BEAN1: variants seen among roughly 807,000 people sequenced by gnomAD.
BEAN1 encodes brain expressed associated with NEDD4 1, also known as protein BEAN1.
In BEAN1, 17 loss-of-function variants were observed where a neutral mutation model predicts 17.7. The observed-to-expected ratio is 0.96, with a 90% CI of 0.66 to 1.44. The LOEUF (loss-of-function observed/expected upper bound fraction) is 1.44, where lower values mean the gene tolerates loss of function less well. Ranked by LOEUF, BEAN1 falls within the 40% of genes most tolerant of loss-of-function variation. BEAN1 has a pLI of 0.00. For synonymous variants in BEAN1, 142 were observed against 151.8 expected (o/e 0.94, Z 0.47); for missense variants, 359 against 374.1 (o/e 0.96, Z 0.33).
chr16:66,463,091 T>C (rs549678174), intron 2 of BEAN1, among the ~76,000 whole-genome samples: 32 of 152,296 alleles, frequency 2.1e-4, no homozygotes, highest in African/African-American at 7.5e-4. Flanking sequence ...CTACCATGAG[T>C]AATACTCATG....
At chr16:66,432,357 A>G (rs1045524140) in intron 1 of BEAN1, among the ~76,000 whole-genome samples, 3 of 152,228 alleles carry the variant, frequency 2.0e-5, no homozygotes, top group Non-Finnish European at 4.4e-5. Flanking sequence ...TTCCTGGGAC[A>G]GGAGAAAGGT....
rs185675010 is a variant in BEAN1, at chr16:66,480,955, C to A, written c.*30C>A. The A allele has an allele frequency of 1.9e-4, 267 of 1,399,928 alleles. 2 individuals carry two copies. In the Middle Eastern group the frequency reaches 2.4e-3, roughly 12 times the overall value. The allele number at this position is 1,399,928 out of a possible 1,614,324, so 86.7% of individuals were successfully genotyped here. On this transcript the variant is annotated 3_prime_UTR_variant, in exon 5 of 5. Coordinates refer to ENST00000536005, the MANE Select transcript of BEAN1 (RefSeq NM_001178020.3). ...CCCAGCCAGCCGGGTCCTGCTGGTCCCTACAGGCTGAACCACATTCTTTAG... is the reference window on the plus strand; with the variant it reads ...CCCAGCCAGCCGGGTCCTGCTGGTCACTACAGGCTGAACCACATTCTTTAG...
In BEAN1 at chr16:66,481,470, A is replaced by G; in HGVS notation, c.*545A>G. On this transcript the variant is annotated 3_prime_UTR_variant, in exon 5 of 5. Coordinates refer to ENST00000536005, the MANE Select transcript of BEAN1 (RefSeq NM_001178020.3). This position sits in a 1 kb window ranked among gnomAD's most constrained non-coding sequence, Gnocchi z 4.1. ...TGAGGTTCCGTTGTGCGCTGTGCCT[A>G]TCTCTCGATTCCAGGGCAGATGAGC... 2.6e-6 allele frequency: 1 copy of G among 385,584 alleles called. No homozygotes were observed. Among genetic ancestry groups the G allele is most frequent in the Non-Finnish European group, 4.6e-6 (1 of 218,440 alleles). 23.9% of individuals were successfully genotyped at this position (385,584 alleles called of 1,614,324 possible).
intron 3 of BEAN1, among the ~76,000 whole-genome samples, chr16:66,474,717 GAA>G (rs572690131): frequency 8.6e-4 from 129 of 149,926 alleles, no homozygotes; most frequent in African/African-American, 3.1e-3. Flanking sequence ...AAAAAGGAGA[GAA>G]AGAAAAAGGA....
Position 66,471,337 on chromosome 16 carries a change from G to A in BEAN1, c.289+1472G>A, listed in dbSNP as rs944099726. 3.3e-5 allele frequency among the ~76,000 whole-genome samples: 5 copies of A among 152,214 alleles called. No homozygotes were observed. Among genetic ancestry groups the A allele is most frequent in the East Asian group, 3.9e-4 (2 of 5,188 alleles). On this transcript the variant is annotated intron_variant, in intron 3 of 4. Transcript: ENST00000536005. The surrounding 1 kb of genome is among the most constrained non-coding windows in gnomAD (Gnocchi z 4.7). ...CGCTGTCTGTGCACATAATCTCACT[G>A]CAAAATCCTCACCATGGTCCTAGTG...
chr16:66,429,745 G>A (rs901779864), intron 1 of BEAN1, among the ~76,000 whole-genome samples: 3 of 152,118 alleles, frequency 2.0e-5, no homozygotes, highest in African/African-American at 4.8e-5. Flanking sequence ...GGGTCACGTC[G>A]CTGTGTCTTC....
chr16:66,486,080 G>A (rs998985492), downstream of BEAN1: 1 of 152,108 alleles, frequency 6.6e-6, no homozygotes, highest in Non-Finnish European at 1.5e-5. Flanking sequence ...GAAGCCCCAA[G>A]TCTACTTTGG....
downstream of BEAN1, chr16:66,484,291 G>A (rs551324808): frequency 2.8e-4 from 87 of 310,764 alleles, no homozygotes; most frequent in African/African-American, 1.7e-3. The surrounding 1 kb of genome is among the most constrained non-coding windows in gnomAD (Gnocchi z 4.2). Context: ...CCACAGTGAT[G>A]GTGTCCAGCC....
chr16:66,430,889 G>C (rs906290599), intron 1 of BEAN1, among the ~76,000 whole-genome samples: 1 of 152,174 alleles, frequency 6.6e-6, no homozygotes, highest in Non-Finnish European at 1.5e-5. Flanking sequence ...ATTATAAAGT[G>C]TTTTACAAAC....
chr16:66,479,633 T>G (rs1963908852), intron 4 of BEAN1, among the ~76,000 whole-genome samples: 1 of 152,040 alleles, frequency 6.6e-6, no homozygotes, highest in Non-Finnish European at 1.5e-5. Context: ...TGGCTGAGCC[T>G]GGGGTCTCTG....
chr16:66,442,435 C>G (rs1448385935), intron 2 of BEAN1, among the ~76,000 whole-genome samples: 2 of 152,170 alleles, frequency 1.3e-5, no homozygotes, highest in Admixed American at 6.5e-5. Context: ...GAGACTAAGT[C>G]TGTAGTAAAG....
Position 66,480,895 on chromosome 16 carries a change from C to G in BEAN1, c.750C>G (p.Ala250=). 6.8e-7 allele frequency: 1 copy of G among 1,465,472 alleles called. No individual in the cohort carries two copies. Among genetic ancestry groups the G allele is most frequent in the African/African-American group, 1.4e-5 (1 of 70,766 alleles). 90.8% of individuals were successfully genotyped at this position (1,465,472 alleles called of 1,614,324 possible). A position where few individuals can be genotyped will look rare whatever the true frequency, so the allele number is the denominator to read the frequency against. The change falls in exon 5 of 5, where the codon GCC becomes GCG. Residue 250 remains alanine (A), a synonymous_variant. Coordinates refer to ENST00000536005, the MANE Select transcript of BEAN1 (RefSeq NM_001178020.3). Reference sequence around the variant, plus strand: ...AGGGCTCACCCACCCCAACCCGGGCCCCAGCCTCTGGCCCAGAGAGGATTG... The same window carrying G: ...AGGGCTCACCCACCCCAACCCGGGCGCCAGCCTCTGGCCCAGAGAGGATTG... ...GSQGSPTPTR[A]PASGPERIV is the part of the protein sequence containing the mutation.
chr16:66,437,877 A>G (rs1962092800), intron 2 of BEAN1, 176 bp downstream of exon 2: 2 of 806,022 alleles, frequency 2.5e-6, no homozygotes, highest in Non-Finnish European at 4.1e-6. Flanking sequence ...TGACGTCTGC[A>G]AGATGCTCCC....
chr16:66,467,296 T>C (rs1239464932), intron 2 of BEAN1, among the ~76,000 whole-genome samples: 1 of 152,184 alleles, frequency 6.6e-6, no homozygotes, highest in Non-Finnish European at 1.5e-5. Flanking sequence ...AAGAAATACC[T>C]GAGGCCGGAT....
intron 2 of BEAN1, among the ~76,000 whole-genome samples, chr16:66,441,296 TG>T (rs1962246457): frequency 6.6e-6 from 1 of 152,120 alleles, no homozygotes; most frequent in African/African-American, 2.4e-5. Context: ...GGAGGGATGC[TG>T]GACCCTGAGC....
At chr16:66,458,597 C>T (rs1001602402) in intron 2 of BEAN1, among the ~76,000 whole-genome samples, 3 of 124,502 alleles carry the variant, frequency 2.4e-5, no homozygotes, top group African/African-American at 6.0e-5. Context: ...CCCACAAAAT[C>T]CTGCTCTCTC....
At chr16:66,488,992 T>C (rs894783970) in intron 4 of BEAN1, among the ~76,000 whole-genome samples, 18 of 151,936 alleles carry the variant, frequency 1.2e-4, no homozygotes, top group African/African-American at 4.4e-4. Flanking sequence ...GGCAACATGG[T>C]GAAACCCTGT....
At chr16:66,433,817 G>GC (rs1961901520) in intron 1 of BEAN1, among the ~76,000 whole-genome samples, 1 of 152,160 alleles carries the variant, frequency 6.6e-6, no homozygotes, top group Non-Finnish European at 1.5e-5. Context: ...TCTGTCTGCC[G>GC]CCCATGGTGT....
chr16:66,460,357 T>A (rs1005563987), intron 2 of BEAN1, among the ~76,000 whole-genome samples: 1 of 152,230 alleles, frequency 6.6e-6, no homozygotes, highest in Non-Finnish European at 1.5e-5. Context: ...GCCTGATGGA[T>A]GTACAGTAAG....
Sources: gnomAD v4.1 joint callset for allele counts (sites outside exome capture counted in the v4.1 genomes callset) on GRCh38, gnomAD v4.1.1 for gene constraint, Gnocchi (gnomAD v3.1) non-coding constraint, MANE v1.5 for transcripts, NCBI Gene and HGNC (gene_info 2026-07-23, HGNC 2026-07-21) for gene names.